CTNNA3: variants seen among roughly 807,000 people sequenced by gnomAD.
CTNNA3 encodes catenin alpha 3, also known as catenin alpha-3.
CTNNA3 carries 76 observed loss-of-function variants against 95.7 expected under a neutral mutation model. The observed-to-expected ratio is 0.79, with a 90% CI of 0.66 to 0.96. The LOEUF is 0.96. Among genes scored for constraint, CTNNA3 ranks in the 40% least tolerant of loss-of-function variants. The pLI is 0.00. For synonymous variants in CTNNA3, 431 were observed against 374.4 expected, an observed-to-expected ratio of 1.15 and a Z score of -1.74; for missense variants, 1,191 against 1,089.8, an observed-to-expected ratio of 1.09 and a Z score of -1.31.
At chr10:65,922,636 T>C (rs1259839124) in intron 17 of CTNNA3, among the ~76,000 whole-genome samples, 1 of 152,204 alleles carries the variant, frequency 6.6e-6, no homozygotes, top group Non-Finnish European at 1.5e-5. Flanking sequence ...ACAATCCTGA[T>C]TAACCAAACT....
intron 9 of CTNNA3, among the ~76,000 whole-genome samples, chr10:66,740,160 T>C (rs1440018134): frequency 6.6e-6 from 1 of 152,240 alleles, no homozygotes; most frequent in Non-Finnish European, 1.5e-5. Flanking sequence ...ATTAATGTTT[T>C]AGTCCTGTTA....
At chr10:67,619,063 G>A (rs985013584) in intron 2 of CTNNA3, among the ~76,000 whole-genome samples, 2 of 152,076 alleles carry the variant, frequency 1.3e-5, no homozygotes, top group African/African-American at 4.8e-5. Context: ...CATAACCAAG[G>A]TGAAGCCAAG....
intron 1 of CTNNA3, among the ~76,000 whole-genome samples, chr10:67,649,560 AT>A (rs921403665): frequency 2.0e-5 from 3 of 152,248 alleles, no homozygotes; most frequent in African/African-American, 7.2e-5. Flanking sequence ...CTTAAAAAAA[AT>A]AAATCCTTAA....
intron 7 of CTNNA3, among the ~76,000 whole-genome samples, chr10:66,888,073 G>A (rs1240769498): frequency 1.3e-5 from 2 of 152,114 alleles, no homozygotes; most frequent in African/African-American, 4.8e-5. Flanking sequence ...TCTTAAAAGT[G>A]GAGACGCTTC....
chr10:66,105,515 A>G (rs1203486864), intron 13 of CTNNA3, among the ~76,000 whole-genome samples: 2 of 152,224 alleles, frequency 1.3e-5, no homozygotes, highest in African/African-American at 2.4e-5. Context: ...TGCAATGACA[A>G]ATAACTTCAT....
rs533004530 is a variant in CTNNA3 at position 66,773,852 on chromosome 10, G to A, written c.1128+1592C>T. Among the ~76,000 whole-genome samples the A allele has an allele frequency of 1.6e-3, 247 of 152,200 alleles. 1 individual carries two copies. Among genetic ancestry groups the A allele is most frequent in the African/African-American group, 5.6e-3 (233 of 41,530 alleles). Reference sequence around the variant, plus strand: ...TATATCTCACTGATGGTAGTGAGGTGGAAATACAAGTAGGATTGCAATATA... The same window carrying A: ...TATATCTCACTGATGGTAGTGAGGTAGAAATACAAGTAGGATTGCAATATA... On this transcript the variant is annotated intron_variant, in intron 8 of 17. Transcript: ENST00000433211.
chr10:66,933,246 T>C (rs1847509998), intron 7 of CTNNA3, among the ~76,000 whole-genome samples: 1 of 152,254 alleles, frequency 6.6e-6, no homozygotes, highest in Non-Finnish European at 1.5e-5. Flanking sequence ...ACTTTCTGTT[T>C]TCACATAGGC....
chr10:66,081,207 C>T (rs1321918834), intron 14 of CTNNA3, among the ~76,000 whole-genome samples: 2 of 152,226 alleles, frequency 1.3e-5, no homozygotes, highest in Non-Finnish European at 1.5e-5. Context: ...TAGATGCCAC[C>T]TGACACTGGC....
chr10:65,994,436 T>C (rs1056247982), intron 15 of CTNNA3, among the ~76,000 whole-genome samples: 5 of 152,070 alleles, frequency 3.3e-5, no homozygotes, highest in African/African-American at 1.2e-4. Flanking sequence ...CATTTTTTTT[T>C]TTTGGTTTTT....
intron 9 of CTNNA3, among the ~76,000 whole-genome samples, chr10:66,679,895 A>C (rs1483238271): frequency 6.6e-6 from 1 of 152,194 alleles, no homozygotes; most frequent in Non-Finnish European, 1.5e-5. Flanking sequence ...CATACAATAA[A>C]AGTAAACCAA....
In CTNNA3 at chr10:66,927,125, A is replaced by G; in HGVS notation, c.1048-151601T>C. ...GGTTGCTTAGGTTTGTCCCTTCGCTATAACAGCCTTCAAAAACTTAAGTAT... is the reference window on the plus strand; with the variant it reads ...GGTTGCTTAGGTTTGTCCCTTCGCTGTAACAGCCTTCAAAAACTTAAGTAT... On this transcript the variant is annotated intron_variant, in intron 7 of 17. Transcript: ENST00000433211. The surrounding 1 kb of genome is among the most constrained non-coding windows in gnomAD (Gnocchi z 4.7). The G allele has an allele frequency of 6.2e-7, 1 of 1,614,198 alleles. No individual in the cohort carries two copies. The highest frequency in any genetic ancestry group is 8.5e-7 in the Non-Finnish European group (1 of 1,180,036).
intron 5 of CTNNA3, among the ~76,000 whole-genome samples, chr10:67,459,832 C>T (rs1847310568): frequency 6.6e-6 from 1 of 152,136 alleles, no homozygotes. Flanking sequence ...CATCTCTGAA[C>T]CTGAAGAATC....
intron 11 of CTNNA3, among the ~76,000 whole-genome samples, chr10:66,469,812 C>A (rs1473414013): frequency 2.0e-5 from 3 of 151,690 alleles, no homozygotes; most frequent in Non-Finnish European, 4.4e-5. Flanking sequence ...TCAATAAAAT[C>A]TGGAGATGAG....
intron 10 of CTNNA3, among the ~76,000 whole-genome samples, chr10:66,562,249 T>G: frequency 6.6e-6 from 1 of 152,086 alleles, no homozygotes; most frequent in Admixed American, 6.6e-5. Flanking sequence ...ATATATAAGG[T>G]AACTGACAAA....
intron 7 of CTNNA3, among the ~76,000 whole-genome samples, chr10:67,034,944 G>A (rs1286422973): frequency 6.6e-6 from 1 of 152,152 alleles, no homozygotes; most frequent in African/African-American, 2.4e-5. Context: ...CTTACTGCCT[G>A]AAATATGCCC....
chr10:66,617,150 G>C (rs1352073981), intron 10 of CTNNA3, among the ~76,000 whole-genome samples: 1 of 151,724 alleles, frequency 6.6e-6, no homozygotes, highest in Non-Finnish European at 1.5e-5. Flanking sequence ...TATAATAAAG[G>C]TAACAAATTA....
At chr10:66,304,783 G>T (rs1051074878) in intron 12 of CTNNA3, among the ~76,000 whole-genome samples, 4 of 152,070 alleles carry the variant, frequency 2.6e-5, no homozygotes, top group Admixed American at 1.3e-4. Context: ...GTATAAAAAT[G>T]AGCAATACAA....
At chr10:66,863,177 C>A (rs1345895747) in intron 7 of CTNNA3, among the ~76,000 whole-genome samples, 2 of 118,660 alleles carry the variant, frequency 1.7e-5, no homozygotes, top group Non-Finnish European at 3.6e-5. Flanking sequence ...TGAGCCAATT[C>A]TTTACACACA....
chr10:66,538,387 T>C (rs1841732390), intron 10 of CTNNA3, among the ~76,000 whole-genome samples: 1 of 152,186 alleles, frequency 6.6e-6, no homozygotes, highest in South Asian at 2.1e-4. Context: ...CTGGGGAAGA[T>C]ATATTTCCAG....
Sources: allele counts gnomAD v4.1 joint callset (sites outside exome capture counted in the v4.1 genomes callset), GRCh38; gene constraint gnomAD v4.1.1; non-coding constraint Gnocchi (gnomAD v3.1); transcripts MANE v1.5; gene names NCBI Gene and HGNC (gene_info 2026-07-23, HGNC 2026-07-21).